LRMDA: variants seen among roughly 807,000 people sequenced by gnomAD.
The protein encoded by LRMDA is leucine rich melanocyte differentiation associated.
Under a neutral mutation model 29.8 loss-of-function variants are expected in LRMDA, and 18 were observed. That is an observed-to-expected ratio of 0.60 (90% confidence interval 0.42 to 0.90). The LOEUF is 0.90. Ranked by LOEUF, LRMDA falls within the 40% of genes least tolerant of loss-of-function variation. The pLI is 0.00. For missense variants in LRMDA, 273 were observed against 273.9 expected, an observed-to-expected ratio of 1.00 and a Z score of 0.02; for synonymous variants, 125 against 109.4, an observed-to-expected ratio of 1.14 and a Z score of -0.89.
intron 2 of LRMDA, among the ~76,000 whole-genome samples, chr10:75,452,311 GGT>G (rs1259950652): frequency 6.6e-6 from 1 of 152,126 alleles, no homozygotes; most frequent in East Asian, 1.9e-4. Flanking sequence ...CCTGGTTAGT[GGT>G]GTTTATCGCG....
chr10:75,854,216 G>A (rs140263631), intron 2 of LRMDA, among the ~76,000 whole-genome samples: 2 of 152,200 alleles, frequency 1.3e-5, no homozygotes, highest in African/African-American at 2.4e-5. Context: ...GCAAAGTCTC[G>A]ACCATCTATA....
intron 2 of LRMDA, among the ~76,000 whole-genome samples, chr10:75,650,976 T>A (rs1178393447): frequency 6.6e-6 from 1 of 152,198 alleles, no homozygotes; most frequent in African/African-American, 2.4e-5. Context: ...AGCCTCTTTG[T>A]GTCATTCACA....
chr10:75,653,893 T>C (rs1841633337), intron 2 of LRMDA, among the ~76,000 whole-genome samples: 1 of 152,238 alleles, frequency 6.6e-6, no homozygotes, highest in African/African-American at 2.4e-5. Context: ...CTGCTAGGTA[T>C]ACCCTTTTTC....
At chr10:76,298,701 A>G (rs1589416947) in intron 5 of LRMDA, among the ~76,000 whole-genome samples, 2 of 152,238 alleles carry the variant, frequency 1.3e-5, no homozygotes, top group Admixed American at 1.3e-4. Context: ...TAAAGGAACA[A>G]CATGGGCTGT....
At chr10:75,983,443 A>T (rs960682440) in intron 2 of LRMDA, among the ~76,000 whole-genome samples, 5 of 152,120 alleles carry the variant, frequency 3.3e-5, no homozygotes, top group African/African-American at 1.2e-4. Flanking sequence ...GATTCTGACG[A>T]TGATGATGGT....
chr10:75,591,399 A>G (rs1320708390), intron 2 of LRMDA, among the ~76,000 whole-genome samples: 1 of 152,226 alleles, frequency 6.6e-6, no homozygotes, highest in Non-Finnish European at 1.5e-5. Context: ...GGTTGTACAA[A>G]TGTACCCCAA....
chr10:76,389,366 A>G (rs967560152), intron 6 of LRMDA, among the ~76,000 whole-genome samples: 2 of 152,218 alleles, frequency 1.3e-5, no homozygotes, highest in East Asian at 1.9e-4. Context: ...CTTGATCACC[A>G]TACTGAGAGA....
intron 5 of LRMDA, among the ~76,000 whole-genome samples, chr10:76,321,775 T>C (rs1840774257): frequency 6.6e-6 from 1 of 152,022 alleles, no homozygotes. Flanking sequence ...CAAAACCCCA[T>C]CTCTACTAAA....
chr10:75,917,966 C>T (rs1478538728), intron 2 of LRMDA, among the ~76,000 whole-genome samples: 5 of 146,698 alleles, frequency 3.4e-5, no homozygotes, highest in Admixed American at 6.7e-5. Context: ...TGTGCGCACA[C>T]ACACACACAC....
chr10:75,445,297 G>GT lies in LRMDA; in HGVS notation c.131+6813dup, dbSNP rs112715405. ...TTCCTTAGTGTTGGACATTTAGTTTGTTTTTTTTTTCCAAATTTCTACTAT... is the reference window on the plus strand; with the variant it reads ...TTCCTTAGTGTTGGACATTTAGTTTGTTTTTTTTTTTCCAAATTTCTACTAT... On this transcript the variant is annotated intron_variant, in intron 2 of 6. Coordinates refer to ENST00000611255, the MANE Select transcript of LRMDA (RefSeq NM_001305581.2). 5.8e-3 allele frequency among the ~76,000 whole-genome samples: 854 copies of GT among 147,722 alleles called. 9 individuals carry two copies. The highest frequency in any genetic ancestry group is 0.017 in the African/African-American group (694 of 40,406).
chr10:76,551,136 T>A (rs182628603), intron 6 of LRMDA, among the ~76,000 whole-genome samples: 1 of 151,308 alleles, frequency 6.6e-6, no homozygotes, highest in Admixed American at 6.5e-5. Context: ...TTAGGCCAGA[T>A]GATAATGTTC....
chr10:76,363,432 A>G (rs894003548), intron 6 of LRMDA, among the ~76,000 whole-genome samples: 3 of 152,164 alleles, frequency 2.0e-5, no homozygotes, highest in Non-Finnish European at 2.9e-5. Context: ...TGGAATGTAC[A>G]TAAAGCTGTT....
intron 2 of LRMDA, among the ~76,000 whole-genome samples, chr10:75,577,684 G>T (rs1840525178): frequency 6.6e-6 from 1 of 152,194 alleles, no homozygotes; most frequent in Non-Finnish European, 1.5e-5. Context: ...ACTAACAGCA[G>T]ATCTCTCAGC....
At chr10:75,483,867 G>GTTTTTTTT (rs548925147) in intron 2 of LRMDA, among the ~76,000 whole-genome samples, 2,890 of 118,936 alleles carry the variant, frequency 0.024, 86 homozygotes, top group Non-Finnish European at 0.03. Context: ...GTATGGAGAG[G>GTTTTTTTT]TTTTTTTTTT....
chr10:75,958,530 G>A (rs1197225321), intron 2 of LRMDA, among the ~76,000 whole-genome samples: 1 of 151,726 alleles, frequency 6.6e-6, no homozygotes, highest in African/African-American at 2.4e-5. Context: ...TATAAAATGT[G>A]TCCTGGCCTG....
At chr10:76,422,768 C>T (rs1184466371) in intron 6 of LRMDA, among the ~76,000 whole-genome samples, 1 of 152,214 alleles carries the variant, frequency 6.6e-6, no homozygotes, top group Non-Finnish European at 1.5e-5. Flanking sequence ...CTGTTGTTTG[C>T]TTGGGTCTCA....
chr10:76,100,156 CTCTTCATCATTA>C, intron 5 of LRMDA, among the ~76,000 whole-genome samples: 2 of 152,176 alleles, frequency 1.3e-5, no homozygotes, highest in African/African-American at 4.8e-5. Context: ...GATAAATGAC[CTCTTCATCATTA>C]TGTAATATTC....
intron 5 of LRMDA, among the ~76,000 whole-genome samples, chr10:76,264,496 A>G (rs945230331): frequency 6.8e-5 from 10 of 147,398 alleles, no homozygotes; most frequent in African/African-American, 2.5e-4. Context: ...TCCATTTGCA[A>G]GTGGCATGGT....
intron 6 of LRMDA, among the ~76,000 whole-genome samples, chr10:76,374,972 A>G (rs1841498500): frequency 6.6e-6 from 1 of 152,232 alleles, no homozygotes; most frequent in Non-Finnish European, 1.5e-5. Flanking sequence ...ACTTGTCTAA[A>G]AACAAGCTAG....
Sources: gnomAD v4.1 joint callset for allele counts (sites outside exome capture counted in the v4.1 genomes callset) on GRCh38, gnomAD v4.1.1 for gene constraint, MANE v1.5 for transcripts, NCBI Gene and HGNC (gene_info 2026-07-23, HGNC 2026-07-21) for gene names.